The following IPO11 variants were observed in gnomAD, a reference collection of about 807,000 sequenced individuals.
The protein encoded by IPO11 is importin-11.
In IPO11, 66 loss-of-function variants were observed where a neutral mutation model predicts 143.2. The ratio of observed to expected loss-of-function variants is 0.46; its 90% CI spans 0.38 to 0.57. The LOEUF is 0.57. IPO11 is among the 20% of genes least tolerant of loss of function. IPO11 has a pLI of 0.00. For missense variants in IPO11, 1,026 were observed against 1,141.0 expected (o/e 0.90, Z 1.45); for synonymous variants, 385 against 377.8 (o/e 1.02, Z -0.22).
chr5:62,419,482 A>G (rs774942309), intron 1 of IPO11, among the ~76,000 whole-genome samples: 1 of 152,200 alleles, frequency 6.6e-6, no homozygotes, highest in Non-Finnish European at 1.5e-5. Context: ...CACACACATT[A>G]ACTCAGGTAC....
chr5:62,540,065 T>C lies in IPO11; in HGVS notation c.2250+2776T>C, dbSNP rs190859716. On this transcript the variant is annotated intron_variant, in intron 24 of 29. Transcript: ENST00000325324. ...TCCTCTATTATACTGAGCTTCTCCA[T>C]TATCCAAAGTTCAGTAAATGTGTGC... Among the ~76,000 whole-genome samples the C allele has an allele frequency of 3.2e-4, 48 of 152,338 alleles. No individual in the cohort carries two copies. The Middle Eastern group carries it at 0.01, about 32-fold the overall frequency.
chr5:62,571,546 G>C (rs1307860974), intron 27 of IPO11, among the ~76,000 whole-genome samples: 2 of 152,154 alleles, frequency 1.3e-5, no homozygotes, highest in East Asian at 3.8e-4. Context: ...TTTTGAAAGA[G>C]TTTATGTGTG....
chr5:62,518,834 C>T (rs566643921), intron 20 of IPO11, among the ~76,000 whole-genome samples: 4 of 152,084 alleles, frequency 2.6e-5, no homozygotes, highest in African/African-American at 7.2e-5. Flanking sequence ...AGTAGGTATT[C>T]GTTCATACGC....
intron 20 of IPO11, among the ~76,000 whole-genome samples, chr5:62,525,518 G>T (rs1489288383): frequency 6.6e-6 from 1 of 151,972 alleles, no homozygotes; most frequent in East Asian, 1.9e-4. Context: ...TGAGTAGCTG[G>T]GACTCTAAGC....
chr5:62,598,404 C>T lies in IPO11; in HGVS notation c.2679-3360C>T, dbSNP rs1343356721. On this transcript the variant is annotated intron_variant, in intron 28 of 29. Transcript: ENST00000325324. ...GCTTGCTTGCTTGCTTTCTTTCTTT[C>T]TTTCTTTCTTTCTTTCTTTCTTTCT... Among the ~76,000 whole-genome samples the T allele has an allele frequency of 5.2e-3, 51 of 9,732 alleles. 20 individuals carry two copies. In the African/African-American group the frequency reaches 0.094, roughly 18 times the overall value. 6.4% of individuals were successfully genotyped at this position (9,732 alleles called of 152,430 possible).
chr5:62,447,664 C>T (rs1440913784), intron 3 of IPO11, among the ~76,000 whole-genome samples: 1 of 151,854 alleles, frequency 6.6e-6, no homozygotes, highest in South Asian at 2.1e-4. Context: ...TGGCTCACTG[C>T]AACCTCGACT....
At chr5:62,444,860 CTA>C (rs1180493786) in intron 3 of IPO11, among the ~76,000 whole-genome samples, 2 of 150,394 alleles carry the variant, frequency 1.3e-5, no homozygotes, top group African/African-American at 4.9e-5. Context: ...CACAGTGAGA[CTA>C]TGTCTCAAAA....
chr5:62,536,585 G>A (rs565818904), intron 22 of IPO11, 117 bp from the exon 23 acceptor site: 13 of 1,188,010 alleles, frequency 1.1e-5, no homozygotes, highest in South Asian at 3.2e-5. Flanking sequence ...GATAGTACTC[G>A]GAAGAGGTTT....
At chr5:62,484,358 A>G (rs1746319226) in intron 11 of IPO11, among the ~76,000 whole-genome samples, 196 bp downstream of exon 11, 1 of 152,300 alleles carries the variant, frequency 6.6e-6, no homozygotes, top group South Asian at 2.1e-4. Context: ...TTATGCAAAT[A>G]TGTTGTAGAA....
chr5:62,525,289 C>T (rs1334381925), intron 20 of IPO11, among the ~76,000 whole-genome samples: 2 of 151,800 alleles, frequency 1.3e-5, no homozygotes, highest in Non-Finnish European at 2.9e-5. Flanking sequence ...AATTGTTATA[C>T]ACACTTCTGC....
At chr5:62,536,817 A>G (rs967637280) in intron 23 of IPO11, 36 bp downstream of exon 23, 1 of 1,429,598 alleles carries the variant, frequency 7.0e-7, no homozygotes. Flanking sequence ...ATGAAATTAT[A>G]TAATTATTAT....
intron 24 of IPO11, among the ~76,000 whole-genome samples, chr5:62,543,576 TTTC>T (rs1434709549): frequency 2.0e-5 from 3 of 152,222 alleles, no homozygotes; most frequent in African/African-American, 7.2e-5. Flanking sequence ...TCTTCTCTCT[TTTC>T]TTCTTTATTA....
rs567461235 is a variant in IPO11, at chr5:62,451,601, T to C, written c.313-129T>C. 3 of 763,440 alleles carry C rather than the reference T, an allele frequency of 3.9e-6. No individual in the cohort carries two copies. The African/African-American group carries it at 5.2e-5, about 13-fold the overall frequency. The allele number at this position is 763,440 out of a possible 1,614,324, so 47.3% of individuals were successfully genotyped here. A position where few individuals can be genotyped will look rare whatever the true frequency, so the allele number is the denominator to read the frequency against. On this transcript the variant is annotated intron_variant, in intron 4 of 29. Transcript: ENST00000325324. ...CCATGGGCCACACTTTGAGAACCACTGTTTAAGCAGTCATTCAGTGAAATC... is the reference window on the plus strand; with the variant it reads ...CCATGGGCCACACTTTGAGAACCACCGTTTAAGCAGTCATTCAGTGAAATC...
chr5:62,572,538 T>C (rs540581012), intron 27 of IPO11, among the ~76,000 whole-genome samples: 18 of 79,604 alleles, frequency 2.3e-4, no homozygotes, highest in Admixed American at 1.9e-3. Context: ...TATATGTATA[T>C]TTGTTTGTTT....
At chr5:62,486,001 A>C (rs1371027676) in intron 12 of IPO11, among the ~76,000 whole-genome samples, 1 of 114,212 alleles carries the variant, frequency 8.8e-6, no homozygotes. Context: ...TTTTTTTTTG[A>C]GACAGAATCT....
intron 2 of IPO11, among the ~76,000 whole-genome samples, chr5:62,437,673 C>T (rs558554456): frequency 9.9e-5 from 15 of 152,226 alleles, no homozygotes; most frequent in South Asian, 8.3e-4. Context: ...AGTTTTAGTA[C>T]GTTAAAAGTG....
At chr5:62,617,765 A>G (rs1435650871) in intron 29 of IPO11, among the ~76,000 whole-genome samples, 1 of 152,188 alleles carries the variant, frequency 6.6e-6, no homozygotes, top group African/African-American at 2.4e-5. Context: ...CATGTAAGAA[A>G]TTATCTCAAA....
intron 13 of IPO11, among the ~76,000 whole-genome samples, chr5:62,488,968 A>G (rs905737717): frequency 1.3e-5 from 2 of 152,220 alleles, no homozygotes; most frequent in African/African-American, 4.8e-5. Flanking sequence ...ACCTCACTCC[A>G]CTGTACTCCA....
intron 1 of IPO11, among the ~76,000 whole-genome samples, chr5:62,419,811 T>C (rs1293927749): frequency 1.3e-5 from 2 of 151,910 alleles, no homozygotes; most frequent in Non-Finnish European, 2.9e-5. Flanking sequence ...CAGGGCAACA[T>C]AGCCAGACCC....
Sources: gnomAD v4.1 joint callset for allele counts (sites outside exome capture counted in the v4.1 genomes callset) on GRCh38, gnomAD v4.1.1 for gene constraint, MANE v1.5 for transcripts, NCBI Gene and HGNC (gene_info 2026-07-23, HGNC 2026-07-21) for gene names.